The following RIT2 variants were observed in gnomAD, a reference collection of about 807,000 sequenced individuals.
The protein encoded by RIT2 is Ras like without CAAX 2.
Under a neutral mutation model 23.7 loss-of-function variants are expected in RIT2, and 24 were observed. The ratio of observed to expected loss-of-function variants is 1.01; its 90% CI spans 0.73 to 1.43. RIT2 has a LOEUF of 1.43. Ranked by LOEUF, RIT2 falls within the 40% of genes most tolerant of loss-of-function variation. The pLI is 0.00. For missense variants in RIT2, 236 were observed against 266.9 expected (o/e 0.88, Z 0.81); for synonymous variants, 107 against 91.1 (o/e 1.17, Z -0.99).
intron 3 of RIT2, among the ~76,000 whole-genome samples, chr18:42,928,569 G>T: frequency 6.6e-6 from 1 of 151,978 alleles, no homozygotes; most frequent in East Asian, 1.9e-4. Flanking sequence ...ACAGAATCAT[G>T]TGATTGTTGT....
intron 3 of RIT2, among the ~76,000 whole-genome samples, chr18:42,955,991 TA>T (rs1268866793): frequency 6.6e-6 from 1 of 152,190 alleles, no homozygotes; most frequent in East Asian, 1.9e-4. Flanking sequence ...TCACTTAGCA[TA>T]ATGTTTTCAA....
chr18:43,101,807 T>C (rs1303716056), intron 1 of RIT2, among the ~76,000 whole-genome samples: 2 of 152,118 alleles, frequency 1.3e-5, no homozygotes, highest in East Asian at 1.9e-4. Context: ...GCAGAAAAAA[T>C]ATTAAAGGCT....
At chr18:43,015,067 A>G (rs1019107762) in intron 2 of RIT2, among the ~76,000 whole-genome samples, 1 of 151,816 alleles carries the variant, frequency 6.6e-6, no homozygotes, top group African/African-American at 2.4e-5. Flanking sequence ...ATGTAGGGTT[A>G]TAAAGAACAT....
At chr18:42,758,299 T>C (rs917836457) in intron 4 of RIT2, among the ~76,000 whole-genome samples, 2 of 152,190 alleles carry the variant, frequency 1.3e-5, no homozygotes, top group South Asian at 2.1e-4. Flanking sequence ...ACATTAATAT[T>C]CACAATCTGT....
intron 4 of RIT2, among the ~76,000 whole-genome samples, chr18:42,881,208 AAAC>A (rs1354168619): frequency 1.3e-5 from 2 of 152,212 alleles, no homozygotes; most frequent in African/African-American, 4.8e-5. Context: ...TGAAACAAAC[AAAC>A]AAACAAAAAA....
Position 43,025,877 on chromosome 18 carries a change from G to A in RIT2, c.160+7934C>T, listed in dbSNP as rs151021591. Among the ~76,000 whole-genome samples, 960 of 152,068 alleles carry A rather than the reference G, an allele frequency of 6.3e-3. 3 individuals are homozygous for A. The highest frequency in any genetic ancestry group is 0.01 in the Non-Finnish European group (707 of 67,986). On this transcript the variant is annotated intron_variant, in intron 2 of 4. Transcript: ENST00000326695. ...GAGGGATTAAAAATTACTTAAGGGA[G>A]ACAAGGTACAATATTCAGGTGATGG...
chr18:43,027,658 T>C (rs188611761), intron 2 of RIT2, among the ~76,000 whole-genome samples: 1 of 151,942 alleles, frequency 6.6e-6, no homozygotes, highest in East Asian at 1.9e-4. Flanking sequence ...GGAGGAGAAG[T>C]TGGTGATTTT....
intron 4 of RIT2, among the ~76,000 whole-genome samples, chr18:42,888,099 C>G (rs1908070034): frequency 6.6e-6 from 1 of 151,708 alleles, no homozygotes; most frequent in South Asian, 2.1e-4. Context: ...ATGGATTTGT[C>G]AAAATACATA....
chr18:42,976,151 T>C, intron 2 of RIT2, among the ~76,000 whole-genome samples: 1 of 152,116 alleles, frequency 6.6e-6, no homozygotes, highest in East Asian at 1.9e-4. Context: ...TTTGTATGAT[T>C]TGAATATTAC....
chr18:43,035,599 C>A (rs28667464), intron 1 of RIT2, among the ~76,000 whole-genome samples: 1 of 152,138 alleles, frequency 6.6e-6, no homozygotes, highest in Non-Finnish European at 1.5e-5. Context: ...GTTTAGAGAG[C>A]ATCCCTTACC....
rs566208068 is a variant in RIT2 at position 43,058,858 on chromosome 18, C to A, written c.104-24991G>T. 2.2e-4 allele frequency among the ~76,000 whole-genome samples: 33 copies of A among 152,166 alleles called. No individual in the cohort carries two copies. The South Asian group carries it at 6.4e-3, about 30-fold the overall frequency. On this transcript the variant is annotated intron_variant, in intron 1 of 4. Transcript: ENST00000326695. ...GAGTTGTAATTGCACCACTGCACTC[C>A]AGCCTAAGGGTACAGAGTGAGACCC...
chr18:42,774,975 T>C (rs955074345), intron 4 of RIT2, among the ~76,000 whole-genome samples: 23 of 152,326 alleles, frequency 1.5e-4, no homozygotes, highest in African/African-American at 5.5e-4. Context: ...TTATCATCTA[T>C]ACTTTTCTCA....
chr18:42,850,536 G>C (rs1907025094), intron 4 of RIT2, among the ~76,000 whole-genome samples: 1 of 152,140 alleles, frequency 6.6e-6, no homozygotes, highest in Admixed American at 6.5e-5. Context: ...GAAAGATGGA[G>C]TGATTTCAAA....
At chr18:42,833,861 A>G (rs1425262166) in intron 4 of RIT2, among the ~76,000 whole-genome samples, 1 of 148,530 alleles carries the variant, frequency 6.7e-6, no homozygotes. Context: ...TAAAATAAAA[A>G]CACAGTATTG....
chr18:42,969,814 ACTTTAT>A (rs879347203), intron 3 of RIT2, among the ~76,000 whole-genome samples: 6 of 152,140 alleles, frequency 3.9e-5, no homozygotes, highest in Admixed American at 3.3e-4. Context: ...TTTTTAAAAT[ACTTTAT>A]CTTTAATTTT....
At chr18:43,104,177 A>G (rs769592602) in intron 1 of RIT2, among the ~76,000 whole-genome samples, 2 of 152,228 alleles carry the variant, frequency 1.3e-5, no homozygotes, top group Non-Finnish European at 2.9e-5. Flanking sequence ...AGTAAACTAA[A>G]TCAGGCATAG....
intron 4 of RIT2, among the ~76,000 whole-genome samples, chr18:42,842,549 G>C (rs1906795727): frequency 6.6e-6 from 1 of 152,040 alleles, no homozygotes; most frequent in African/African-American, 2.4e-5. Context: ...ATGCTTCTCA[G>C]ATATTTATCA....
chr18:43,101,783 A>C (rs1224478956), intron 1 of RIT2, among the ~76,000 whole-genome samples: 1 of 152,218 alleles, frequency 6.6e-6, no homozygotes, highest in Non-Finnish European at 1.5e-5. Context: ...AGTGGAAGGC[A>C]AATTTTTTTA....
intron 1 of RIT2, among the ~76,000 whole-genome samples, chr18:43,112,514 G>C (rs1184554018): frequency 1.3e-5 from 2 of 152,262 alleles, no homozygotes; most frequent in South Asian, 4.1e-4. Flanking sequence ...TTCATTAACT[G>C]ACATATTTTA....
Sources: allele counts gnomAD v4.1 joint callset (sites outside exome capture counted in the v4.1 genomes callset), GRCh38; gene constraint gnomAD v4.1.1; transcripts MANE v1.5; gene names NCBI Gene and HGNC (gene_info 2026-07-23, HGNC 2026-07-21).